ZNF248: variants seen among roughly 807,000 people sequenced by gnomAD.
ZNF248 encodes zinc finger protein 248, also known as KRAB protein domain.
A neutral mutation model predicts 44.3 loss-of-function variants in ZNF248; 20 were observed. That is an observed-to-expected ratio of 0.45 (90% CI 0.32 to 0.66). The LOEUF is 0.66. Among genes scored for constraint, ZNF248 ranks in the 30% least tolerant of loss-of-function variants. The probability of loss-of-function intolerance (pLI) is 0.04; values close to 1 mark genes in which losing one functional copy is unlikely to be tolerated. For missense variants in ZNF248, 654 were observed against 677.0 expected (o/e 0.97, Z 0.38); for synonymous variants, 224 against 229.0 (o/e 0.98, Z 0.20).
chr10:37,804,903 ATTTATAC>A (rs2050344556), intron 6 of ZNF248, among the ~76,000 whole-genome samples: 1 of 152,186 alleles, frequency 6.6e-6, no homozygotes, highest in African/African-American at 2.4e-5. Context: ...AATAAACATT[ATTTATAC>A]TTTATTTTGT....
At chr10:37,770,259 A>G in the ZNF248 span, among the ~76,000 whole-genome samples, 1 of 152,204 alleles carries the variant, frequency 6.6e-6, no homozygotes, top group African/African-American at 2.4e-5. Flanking sequence ...TCTTCACAGA[A>G]TTGGAAAAAA....
At chr10:37,819,573 A>T (rs1253523343) in intron 6 of ZNF248, 6 of 903,426 alleles carry the variant, frequency 6.6e-6, no homozygotes, top group Middle Eastern at 3.3e-4. Flanking sequence ...TTAAATTGTG[A>T]GTTATCTTCA....
intron 6 of ZNF248, chr10:37,820,689 G>A: frequency 1.5e-6 from 2 of 1,373,194 alleles, no homozygotes; most frequent in East Asian, 2.3e-5. Flanking sequence ...TTTTTCTCGG[G>A]AGTCTCTACT....
At chr10:37,807,654 CT>C (rs1224483327) in intron 6 of ZNF248, among the ~76,000 whole-genome samples, 1 of 152,052 alleles carries the variant, frequency 6.6e-6, no homozygotes, top group East Asian at 1.9e-4. Context: ...CTTGATGTAG[CT>C]TTTTTGATGC....
rs2055341354 is a variant in ZNF248 at position 37,830,526 on chromosome 10, C to T, written c.*1089G>A. On this transcript the variant is annotated 3_prime_UTR_variant, in exon 6 of 6. Transcript: ENST00000395867. The stretch of plus-strand genomic sequence containing the variant: ...CTTCTTTCTTGAAGACGTGGTTCAG[C>T]TGTAAATGGCCATAGCCATTTATTT... 1.0e-6 allele frequency: 1 copy of T among 985,374 alleles called. No individual in the cohort carries two copies. Among genetic ancestry groups the T allele is most frequent in the Non-Finnish European group, 1.2e-6 (1 of 829,928 alleles). 61.0% of individuals were successfully genotyped at this position (985,374 alleles called of 1,614,324 possible).
chr10:37,809,190 T>A (rs995714166), intron 6 of ZNF248, among the ~76,000 whole-genome samples: 9 of 152,302 alleles, frequency 5.9e-5, no homozygotes, highest in African/African-American at 1.9e-4. Flanking sequence ...TTTAGTTGAT[T>A]TTCTCTATTG....
At chr10:37,853,608 G>A (rs932369102) in intron 3 of ZNF248, among the ~76,000 whole-genome samples, 9 of 151,312 alleles carry the variant, frequency 5.9e-5, no homozygotes, top group Non-Finnish European at 1.0e-4. Flanking sequence ...GCGAACTCCC[G>A]ACCTCAGGTA....
intron 6 of ZNF248, among the ~76,000 whole-genome samples, chr10:37,812,719 C>T (rs2051724619): frequency 6.6e-6 from 1 of 151,906 alleles, no homozygotes. Context: ...CAGACAGTGT[C>T]TCTAATTCGG....
At chr10:37,809,276 T>C (rs1235269374) in intron 6 of ZNF248, among the ~76,000 whole-genome samples, 1 of 119,660 alleles carries the variant, frequency 8.4e-6, no homozygotes, top group African/African-American at 3.3e-5. Flanking sequence ...GTTCTTTTTA[T>C]TTATTGTTTA....
chr10:37,838,419 A>C (rs2057670772), intron 3 of ZNF248, among the ~76,000 whole-genome samples: 1 of 152,256 alleles, frequency 6.6e-6, no homozygotes, highest in East Asian at 1.9e-4. Flanking sequence ...AGGAACTAGC[A>C]GTGTGTACCA....
intron 4 of ZNF248, 126 bp from the exon 5 acceptor site, chr10:37,837,838 T>C: frequency 7.4e-7 from 1 of 1,358,938 alleles, no homozygotes; most frequent in East Asian, 2.3e-5. Context: ...TGAACCAATC[T>C]CTGACAAGGC....
chr10:37,766,488 C>A, the ZNF248 span, among the ~76,000 whole-genome samples: 1 of 152,150 alleles, frequency 6.6e-6, no homozygotes. Context: ...GTTCTGCAGC[C>A]ACCACTGCTG....
chr10:37,827,742 C>G (rs1408567248), downstream of ZNF248, among the ~76,000 whole-genome samples: 1 of 152,172 alleles, frequency 6.6e-6, no homozygotes, highest in Non-Finnish European at 1.5e-5. Context: ...GCCACGGTCT[C>G]TGGTTGCCAG....
chr10:37,761,489 A>G, the ZNF248 span, among the ~76,000 whole-genome samples: 35 of 152,388 alleles, frequency 2.3e-4, no homozygotes, highest in East Asian at 5.6e-3. Context: ...AGATCAATGA[A>G]CAATTAAACT....
At chr10:37,818,330 T>C (rs1246544470) in intron 6 of ZNF248, among the ~76,000 whole-genome samples, 2 of 152,226 alleles carry the variant, frequency 1.3e-5, no homozygotes, top group African/African-American at 4.8e-5. Context: ...TCTTTTTAGT[T>C]TTTTCCTCAC....
At chr10:37,808,276 T>C (rs1352117541) in intron 6 of ZNF248, among the ~76,000 whole-genome samples, 2 of 148,672 alleles carry the variant, frequency 1.3e-5, no homozygotes, top group African/African-American at 2.4e-5. Context: ...ATAACCTTTT[T>C]TCTTTTTTTT....
At chr10:37,840,489 G>A (rs950846729) in intron 3 of ZNF248, among the ~76,000 whole-genome samples, 4 of 152,288 alleles carry the variant, frequency 2.6e-5, no homozygotes, top group South Asian at 4.1e-4. Flanking sequence ...TATTAAAATG[G>A]TTAAATTCAA....
chr10:37,834,370 C>T (rs184030553), intron 5 of ZNF248, among the ~76,000 whole-genome samples: 10 of 152,166 alleles, frequency 6.6e-5, no homozygotes, highest in Non-Finnish European at 8.8e-5. Flanking sequence ...TATAAAGCAA[C>T]GTGCACTGAA....
In ZNF248 at chr10:37,856,434, C is replaced by T. The variant is rs2061305960; in HGVS notation, c.-28+1G>A. ...TACAGGTCCACACACAAGATACTTA[C>T]GTGTCCATGTGTGGCTCCGATATAT... On this transcript the variant is annotated splice_donor_variant, in intron 2 of 5. Coordinates refer to ENST00000395867, the MANE Select transcript of ZNF248 (RefSeq NM_021045.3). LOFTEE classifies it low-confidence loss of function (5UTR_SPLICE). 8 of 1,493,878 alleles carry T rather than the reference C, an allele frequency of 5.4e-6. No individual in the cohort carries two copies. Among genetic ancestry groups the T allele is most frequent in the African/African-American group, 1.4e-5 (1 of 72,104 alleles). The allele number at this position is 1,493,878 out of a possible 1,614,324, so 92.5% of individuals were successfully genotyped here. A position where few individuals can be genotyped will look rare whatever the true frequency, so the allele number is the denominator to read the frequency against.
Sources: gnomAD v4.1 joint callset for allele counts (sites outside exome capture counted in the v4.1 genomes callset) on GRCh38, gnomAD v4.1.1 for gene constraint, MANE v1.5 for transcripts, NCBI Gene and HGNC (gene_info 2026-07-23, HGNC 2026-07-21) for gene names.